Variants in HEATR5A observed in about 807,000 individuals in gnomAD.
The protein encoded by HEATR5A is HEAT repeat containing 5A.
In HEATR5A, 178 loss-of-function variants were observed where a neutral mutation model predicts 218.8. That is an observed-to-expected ratio of 0.81 (90% CI 0.72 to 0.92). The LOEUF is 0.92. HEATR5A is among the 40% of genes least tolerant of loss of function. The pLI, the probability that HEATR5A is intolerant of heterozygous loss-of-function variation, is 0.00. For missense variants in HEATR5A, 2,420 were observed against 2,418.9 expected (o/e 1.00, Z -0.01); for synonymous variants, 864 against 871.6 (o/e 0.99, Z 0.15).
At position 31,304,925 on chromosome 14, in the gene HEATR5A, G is replaced by C; in HGVS notation, c.5219C>G (p.Pro1740Arg). The change falls in exon 32 of 36, where the codon CCT becomes CGT. Residue 1740 changes from proline (P) to arginine (R), a missense_variant. Physicochemically the swap from Pro to Arg is moderately radical, Grantham distance 103. Coordinates refer to ENST00000543095, the MANE Select transcript of HEATR5A (RefSeq NM_015473.4). ...CATACCTTCAGGAGAGCACACTGCA[G>C]GAAGTTCGGAAAGGATAACCAATGC... ...SAALVILSEL[P>R]AVCSPEGSIS... 1 of 1,613,944 alleles carries C rather than the reference G, an allele frequency of 6.2e-7. No homozygotes were observed. The highest frequency in any genetic ancestry group is 8.5e-7 in the Non-Finnish European group (1 of 1,179,866).
chr14:31,409,178 G>A (rs1490849211), intron 1 of HEATR5A, among the ~76,000 whole-genome samples: 1 of 148,612 alleles, frequency 6.7e-6, no homozygotes, highest in Admixed American at 6.7e-5. Flanking sequence ...CTCCAGAGCA[G>A]CTGGGACTAC....
At chr14:31,413,748 C>T (rs993515394) in intron 1 of HEATR5A, among the ~76,000 whole-genome samples, 3 of 152,104 alleles carry the variant, frequency 2.0e-5, no homozygotes, top group African/African-American at 7.2e-5. Flanking sequence ...AGATAATGAG[C>T]TAAGAAATTT....
chr14:31,331,159 C>A (rs1039427714), intron 22 of HEATR5A, among the ~76,000 whole-genome samples: 1 of 151,968 alleles, frequency 6.6e-6, no homozygotes, highest in African/African-American at 2.4e-5. Flanking sequence ...AGGCTGGTCT[C>A]AAACTCCTGA....
intron 14 of HEATR5A, among the ~76,000 whole-genome samples, chr14:31,359,750 A>AAAAAAAAAT: frequency 6.6e-6 from 1 of 151,236 alleles, no homozygotes; most frequent in Non-Finnish European, 1.5e-5. Context: ...AAAAAAAAAA[A>AAAAAAAAAT]AAAGAATTAT....
chr14:31,360,952 T>G (rs137925757), intron 14 of HEATR5A, among the ~76,000 whole-genome samples: 1 of 152,272 alleles, frequency 6.6e-6, no homozygotes, highest in African/African-American at 2.4e-5. Context: ...TTACACACGG[T>G]GCTTGGCTTA....
chr14:31,345,056 T>C lies in HEATR5A; in HGVS notation c.3058+31A>G, dbSNP rs142322793. The C allele has an allele frequency of 3.2e-6, 5 of 1,561,540 alleles. No homozygotes were observed. The African/African-American group carries it at 5.5e-5, about 17-fold the overall frequency. ...TCACTTTTATGTGTATTATTTTTAATGTAAAACATCACAAAAGCAGCTATG... is the reference window on the plus strand; with the variant it reads ...TCACTTTTATGTGTATTATTTTTAACGTAAAACATCACAAAAGCAGCTATG... On this transcript the variant is annotated intron_variant, in intron 20 of 35. Transcript: ENST00000543095.
At chr14:31,394,270 A>G in intron 5 of HEATR5A, 44 bp from the exon 6 acceptor site, 1 of 1,279,562 alleles carries the variant, frequency 7.8e-7, no homozygotes, top group Non-Finnish European at 1.0e-6. Context: ...ATAAAATACA[A>G]ATGTCAGGTT....
chr14:31,315,297 T>A (rs904952883), intron 27 of HEATR5A, among the ~76,000 whole-genome samples: 2 of 152,254 alleles, frequency 1.3e-5, no homozygotes, highest in Non-Finnish European at 2.9e-5. Flanking sequence ...AAACATTGCA[T>A]AGTAAATTAA....
At chr14:31,374,721 G>T (rs1902165427) in intron 12 of HEATR5A, 95 bp downstream of exon 12, 1 of 1,164,164 alleles carries the variant, frequency 8.6e-7, no homozygotes, top group Non-Finnish European at 1.2e-6. Context: ...ATATCCCCCT[G>T]CCTCGTGTTA....
Position 31,364,217 on chromosome 14 carries a change from C to A in HEATR5A, c.2043G>T (p.Leu681Phe). 1 of 1,544,412 alleles carries A rather than the reference C, an allele frequency of 6.5e-7. No individual in the cohort carries two copies. The highest frequency in any genetic ancestry group is 2.4e-5 in the East Asian group (1 of 42,346). ...VVYRQRLYEL[L>F]ILLPPETYEG... is the part of the protein sequence containing the mutation. ...CATAGGTCTCAGGAGGTAATAAAAT[C>A]AACAGTTCATAAAGTCTTTGTCTAT... The change falls in exon 14 of 36, where the codon TTG (leucine) becomes TTT (phenylalanine). Residue 681 changes from leucine (L) to phenylalanine (F), a missense_variant. Coordinates refer to ENST00000543095, the MANE Select transcript of HEATR5A (RefSeq NM_015473.4).
intron 1 of HEATR5A, among the ~76,000 whole-genome samples, chr14:31,415,180 T>C (rs1223259403): frequency 6.6e-6 from 1 of 152,156 alleles, no homozygotes; most frequent in Non-Finnish European, 1.5e-5. Flanking sequence ...AAAATTTAGC[T>C]ACCTAACCTA....
rs756098395 is a variant in HEATR5A at position 31,315,766 on chromosome 14, C to A, written c.4218+4G>T. On this transcript the variant is annotated splice_donor_region_variant and intron_variant, in intron 27 of 35. Coordinates refer to ENST00000543095, the MANE Select transcript of HEATR5A (RefSeq NM_015473.4). ...ATTCCAGTTACAAATTAAGAAATAC[C>A]AACCTCTGCCCAGGCTTTAAGCACA... 2.6e-6 allele frequency: 4 copies of A among 1,557,940 alleles called. No homozygotes were observed. In the Admixed American group the frequency reaches 5.9e-5, roughly 23 times the overall value.
chr14:31,379,842 C>T (rs939084200), intron 11 of HEATR5A, among the ~76,000 whole-genome samples: 3 of 152,018 alleles, frequency 2.0e-5, no homozygotes, highest in African/African-American at 7.2e-5. Flanking sequence ...CCTATGGTCC[C>T]AGCTACTTGG....
In HEATR5A at chr14:31,383,790, G is replaced by A; in HGVS notation, c.1346-19C>T. 2 of 1,604,614 alleles carry A rather than the reference G, an allele frequency of 1.2e-6. No homozygotes were observed. Among genetic ancestry groups the A allele is most frequent in the South Asian group, 1.1e-5 (1 of 90,462 alleles). On this transcript the variant is annotated intron_variant, in intron 9 of 35. Coordinates refer to ENST00000543095, the MANE Select transcript of HEATR5A (RefSeq NM_015473.4). ...AGGAGACCTGGAAGGATAAACAAAT[G>A]ATGACTTAGGTACATAGATAAAACT...
chr14:31,330,662 G>A (rs1363177493), intron 22 of HEATR5A, among the ~76,000 whole-genome samples: 2 of 151,724 alleles, frequency 1.3e-5, no homozygotes, highest in Non-Finnish European at 2.9e-5. Flanking sequence ...GTGGTGGCAG[G>A]TGCCTGTAGT....
At position 31,387,697 on chromosome 14, in the gene HEATR5A, C is replaced by A. The variant is rs534344078; in HGVS notation, c.934-322G>T. 3.3e-5 allele frequency among the ~76,000 whole-genome samples: 5 copies of A among 152,164 alleles called. No homozygotes were observed. In the South Asian group the frequency reaches 1.0e-3, roughly 32 times the overall value. On this transcript the variant is annotated intron_variant, in intron 7 of 35. Coordinates refer to ENST00000543095, the MANE Select transcript of HEATR5A (RefSeq NM_015473.4). The stretch of plus-strand genomic sequence containing the variant: ...GCCTCAACCTCTCGAGTAGCTGGGA[C>A]TACAGGGGCCCGCCACCAAGCCCGG...
At position 31,402,983 on chromosome 14, in the gene HEATR5A, A is replaced by G. The variant is rs1033247114; in HGVS notation, c.-8T>C. 2 of 1,535,296 alleles carry G rather than the reference A, an allele frequency of 1.3e-6. No homozygotes were observed. Among genetic ancestry groups the G allele is most frequent in the Middle Eastern group, 1.7e-4 (1 of 5,982 alleles). ...GCTATGAGCTAATTCCATTCCTTGC[A>G]GCAATCCTCCCAGCTGATCACAGTT... On this transcript the variant is annotated 5_prime_UTR_variant, in exon 2 of 36. Coordinates refer to ENST00000543095, the MANE Select transcript of HEATR5A (RefSeq NM_015473.4).
chr14:31,326,273 C>G lies in HEATR5A; in HGVS notation c.3437G>C (p.Arg1146Thr), dbSNP rs553730705. ...LILLDKETDE[R>T]LCHDIKETLN... ...AGTCTCTTTGATATCATGGCATAAT[C>G]TCTCATCTGTCTCCTTGTCTAGTAA... Residue 1146 changes from arginine to threonine, a missense_variant, in exon 23 of 36, where the codon AGA becomes ACA. Physicochemically the swap from Arg to Thr is moderately conservative, Grantham distance 71. Transcript: ENST00000543095. 9.0e-5 allele frequency: 145 copies of G among 1,613,202 alleles called. No homozygotes were observed. The South Asian group carries it at 1.5e-3, about 16-fold the overall frequency.
intron 14 of HEATR5A, among the ~76,000 whole-genome samples, chr14:31,360,656 T>G (rs1183071382): frequency 6.6e-6 from 1 of 152,186 alleles, no homozygotes; most frequent in Non-Finnish European, 1.5e-5. Flanking sequence ...AAAAATTCCC[T>G]TAGAAAAATG....
Sources: allele counts gnomAD v4.1 joint callset (sites outside exome capture counted in the v4.1 genomes callset), GRCh38; gene constraint gnomAD v4.1.1; transcripts MANE v1.5; gene names NCBI Gene and HGNC (gene_info 2026-07-23, HGNC 2026-07-21).